Variants in TTPA observed in about 807,000 individuals in gnomAD.
TTPA encodes the protein alpha tocopherol transfer protein, also known as alpha-tocopherol transfer protein.
In TTPA, 23 loss-of-function variants were observed where a neutral mutation model predicts 25.9. That is an observed-to-expected ratio of 0.89 (90% CI 0.64 to 1.26). TTPA has a LOEUF of 1.26. Among genes scored for constraint, TTPA ranks in the 50% most tolerant of loss-of-function variants. The probability of loss-of-function intolerance (pLI) is 0.00; values close to 1 mark genes in which losing one functional copy is unlikely to be tolerated. For synonymous variants in TTPA, 148 were observed against 137.3 expected, an observed-to-expected ratio of 1.08 and a Z score of -0.54; for missense variants, 337 against 353.1, an observed-to-expected ratio of 0.95 and a Z score of 0.37.
chr8:63,067,752 C>A (rs114643736), intron 2 of TTPA, among the ~76,000 whole-genome samples: 2 of 152,096 alleles, frequency 1.3e-5, no homozygotes, highest in Non-Finnish European at 2.9e-5. Context: ...AGTTTTTCAA[C>A]GCTTGCTCCC....
rs35162793 is a variant in TTPA at position 63,064,053 on chromosome 8, T to C, written c.663+153A>G. On this transcript the variant is annotated intron_variant, in intron 4 of 4. Coordinates refer to ENST00000260116, the MANE Select transcript of TTPA (RefSeq NM_000370.3). ...AATTAAAAGTAAATTTTAATTTACT[T>C]TTTTTTAGTTGGCTTGTTAGATAAA... is the stretch of plus-strand genomic sequence containing the variant. Among the ~76,000 whole-genome samples, 1,233 of 152,164 alleles carry C rather than the reference T, an allele frequency of 8.1e-3. 6 individuals are homozygous for C. Among genetic ancestry groups the C allele is most frequent in the Non-Finnish European group, 0.013 (870 of 67,954 alleles).
At chr8:63,080,724 A>AT (rs1463177627) in intron 1 of TTPA, among the ~76,000 whole-genome samples, 40 of 148,202 alleles carry the variant, frequency 2.7e-4, no homozygotes, top group African/African-American at 9.2e-4. Flanking sequence ...CGTATCAAAA[A>AT]AAAAAAAAAA....
downstream of TTPA, among the ~76,000 whole-genome samples, chr8:63,058,717 A>T (rs1469609525): frequency 3.4e-5 from 1 of 29,090 alleles, no homozygotes; most frequent in Non-Finnish European, 5.0e-5. Flanking sequence ...ACCTATCACC[A>T]AAAAAATCTA....
intron 4 of TTPA, 111 bp downstream of exon 4, chr8:63,064,095 C>A: frequency 1.4e-6 from 1 of 717,020 alleles, no homozygotes. Flanking sequence ...AAATATTGGG[C>A]TAATGATATA....
rs372748902 is a variant in TTPA at position 63,081,582 on chromosome 8, A to G, written c.204+4236T>C. 6.6e-5 allele frequency among the ~76,000 whole-genome samples: 10 copies of G among 152,336 alleles called. No homozygotes were observed. In the East Asian group the frequency reaches 1.9e-3, roughly 29 times the overall value. ...AAGCATTCCCTTTGAAAACCGGCAC[A>G]GGACAAGGATGCCCTCTCTCACCAT... On this transcript the variant is annotated intron_variant, in intron 1 of 4. Coordinates refer to ENST00000260116, the MANE Select transcript of TTPA (RefSeq NM_000370.3).
At chr8:63,081,993 G>A (rs1379953256) in intron 1 of TTPA, among the ~76,000 whole-genome samples, 1 of 152,066 alleles carries the variant, frequency 6.6e-6, no homozygotes, top group Non-Finnish European at 1.5e-5. Context: ...AATAAAAGAG[G>A]ACACAAACAA....
chr8:63,059,020 G>GTTTTT (rs35335226), downstream of TTPA, among the ~76,000 whole-genome samples: 169 of 67,194 alleles, frequency 2.5e-3, 24 homozygotes, highest in Admixed American at 4.1e-3. Context: ...GCAGGGTCCA[G>GTTTTT]TTTTTTTTTT....
chr8:63,086,003 G>T lies in TTPA; in HGVS notation c.19C>A (p.Gln7Lys). 1 of 1,486,274 alleles carries T rather than the reference G, an allele frequency of 6.7e-7. No individual in the cohort carries two copies. The highest frequency in any genetic ancestry group is 8.9e-7 in the Non-Finnish European group (1 of 1,126,370). The allele number at this position is 1,486,274 out of a possible 1,614,324, so 92.1% of individuals were successfully genotyped here. Reference sequence around the variant, plus strand: ...TTGAGCTGCGGCCCCGCCGAGGGCTGGGATCGCGCCTCTGCCATGCCCGCC... The same window carrying T: ...TTGAGCTGCGGCCCCGCCGAGGGCTTGGATCGCGCCTCTGCCATGCCCGCC... MAEARS[Q>K]PSAGPQLNAL... Residue 7 changes from glutamine (Q) to lysine (K), a missense_variant, in exon 1 of 5, where the codon CAG becomes AAG. Gln to Lys is a moderately conservative substitution (Grantham distance 53, BLOSUM62 1). Transcript: ENST00000260116.
At chr8:63,075,574 G>T (rs1458448186) in intron 1 of TTPA, among the ~76,000 whole-genome samples, 1 of 151,866 alleles carries the variant, frequency 6.6e-6, no homozygotes, top group Non-Finnish European at 1.5e-5. Context: ...AATTAGCTGG[G>T]TGTGGTGGTG....
In TTPA at chr8:63,066,141, AT is replaced by A. The variant is rs1290484707; in HGVS notation, c.359-45del. 1.9e-6 allele frequency: 3 copies of A among 1,566,530 alleles called. No individual in the cohort carries two copies. The African/African-American group carries it at 4.1e-5, about 21-fold the overall frequency. ...ATCATATCTTAGCATTGTGTAAAAAATCAGAAAGATTTCCAAAGGGAGACTA... is the reference window on the plus strand; with the variant it reads ...ATCATATCTTAGCATTGTGTAAAAAACAGAAAGATTTCCAAAGGGAGACTA... On this transcript the variant is annotated intron_variant, in intron 2 of 4. Coordinates refer to ENST00000260116, the MANE Select transcript of TTPA (RefSeq NM_000370.3).
rs1168616606 is a variant in TTPA at position 63,066,116 on chromosome 8, A to G, written c.359-19T>C. On this transcript the variant is annotated intron_variant, in intron 2 of 4. Coordinates refer to ENST00000260116, the MANE Select transcript of TTPA (RefSeq NM_000370.3). ...CAGTGTGCTAAAAAAAATAAAGCAT[A>G]TCATATCTTAGCATTGTGTAAAAAA... is the stretch of plus-strand genomic sequence containing the variant. 6.2e-7 allele frequency: 1 copy of G among 1,606,600 alleles called. No homozygotes were observed. The highest frequency in any genetic ancestry group is 1.1e-5 in the South Asian group (1 of 90,632).
chr8:63,064,318 T>C lies in TTPA; in HGVS notation c.553-2A>G. The C allele has an allele frequency of 6.2e-7, 1 of 1,600,296 alleles. No individual in the cohort carries two copies. The highest frequency in any genetic ancestry group is 8.6e-7 in the Non-Finnish European group (1 of 1,168,990). On this transcript the variant is annotated splice_acceptor_variant, in intron 3 of 4. Coordinates refer to ENST00000260116, the MANE Select transcript of TTPA (RefSeq NM_000370.3). LOFTEE classifies it high-confidence loss of function. ...ACGAACTTTCAATGGAAATGAATCCTTTTGAAAATAAAAAAATCTTAATAA... is the reference window on the plus strand; with the variant it reads ...ACGAACTTTCAATGGAAATGAATCCCTTTGAAAATAAAAAAATCTTAATAA...
At chr8:63,082,284 C>G (rs1335435817) in intron 1 of TTPA, among the ~76,000 whole-genome samples, 2 of 152,056 alleles carry the variant, frequency 1.3e-5, no homozygotes, top group Non-Finnish European at 2.9e-5. Context: ...GTACTGGTAC[C>G]AAAAGAGATA....
chr8:63,070,768 C>T (rs1408897469), intron 2 of TTPA, among the ~76,000 whole-genome samples: 1 of 152,168 alleles, frequency 6.6e-6, no homozygotes, highest in Non-Finnish European at 1.5e-5. Context: ...ACTTTATGAA[C>T]AAACTAGACA....
rs367727823 is a variant in TTPA, at chr8:63,077,358, T to G, written c.205-4270A>C. Among the ~76,000 whole-genome samples the G allele has an allele frequency of 4.6e-5, 7 of 152,294 alleles. No homozygotes were observed. In the East Asian group the frequency reaches 1.2e-3, roughly 25 times the overall value. On this transcript the variant is annotated intron_variant, in intron 1 of 4. Transcript: ENST00000260116. ...GGGTGGGCTGAAGCAAGGCGGGGCA[T>G]TGCCTCACCCAGGAAGTGCAAAGGG...
chr8:63,064,235 G>T lies in TTPA; in HGVS notation c.634C>A (p.Pro212Thr). The change falls in exon 4 of 5, where the codon CCA becomes ACA. Residue 212 changes from proline to threonine, a missense_variant. Transcript: ENST00000260116. ...IFHAVFSMIK[P>T]FLTEKIKERI... ...TCCTTAATTTTTTCAGTCAGGAATG[G>T]TTTGATCATGGAAAAGACAGCATGG... is the stretch of plus-strand genomic sequence containing the variant. 6.2e-7 allele frequency: 1 copy of T among 1,612,920 alleles called. No individual in the cohort carries two copies. The highest frequency in any genetic ancestry group is 8.5e-7 in the Non-Finnish European group (1 of 1,179,354).
chr8:63,085,700 C>A, intron 1 of TTPA, 118 bp downstream of exon 1: 1 of 1,292,570 alleles, frequency 7.7e-7, no homozygotes, highest in Non-Finnish European at 1.0e-6. Context: ...GGCGCGTTAC[C>A]CGCCAGGGTC....
chr8:63,085,736 G>T lies in TTPA; in HGVS notation c.204+82C>A, dbSNP rs1585698296. The T allele has an allele frequency of 1.4e-5, 21 of 1,486,316 alleles. No individual in the cohort carries two copies. The East Asian group carries it at 5.4e-4, about 39-fold the overall frequency. The allele number at this position is 1,486,316 out of a possible 1,614,324, so 92.1% of individuals were successfully genotyped here. A position where few individuals can be genotyped will look rare whatever the true frequency, so the allele number is the denominator to read the frequency against. On this transcript the variant is annotated intron_variant, in intron 1 of 4. Coordinates refer to ENST00000260116, the MANE Select transcript of TTPA (RefSeq NM_000370.3). ...CTGCCTGCACCCTGGGCTTCGGCAG[G>T]GGTCAGATATCCGGGGTCGTGGGGC...
intron 1 of TTPA, among the ~76,000 whole-genome samples, chr8:63,083,700 T>G (rs980242642): frequency 6.6e-6 from 1 of 151,552 alleles, no homozygotes; most frequent in African/African-American, 2.4e-5. Flanking sequence ...AATTTTGAAA[T>G]TTTACATGTA....
Sources: allele counts gnomAD v4.1 joint callset (sites outside exome capture counted in the v4.1 genomes callset), GRCh38; gene constraint gnomAD v4.1.1; transcripts MANE v1.5; gene names NCBI Gene and HGNC (gene_info 2026-07-23, HGNC 2026-07-21).